Variants in EXOC4 observed in about 807,000 individuals in gnomAD.
EXOC4 encodes SEC8-like 1.
Under a neutral mutation model 107.2 loss-of-function variants are expected in EXOC4, and 71 were observed. The ratio of observed to expected loss-of-function variants is 0.66; its 90% CI spans 0.55 to 0.81. The LOEUF (loss-of-function observed/expected upper bound fraction) is 0.81, where lower values mean the gene tolerates loss of function less well. Among genes scored for constraint, EXOC4 ranks in the 30% least tolerant of loss-of-function variants. The pLI, the probability that EXOC4 is intolerant of heterozygous loss-of-function variation, is 0.00. For synonymous variants in EXOC4, 456 were observed against 441.2 expected (o/e 1.03, Z -0.42); for missense variants, 1,108 against 1,189.6 (o/e 0.93, Z 1.01).
intron 9 of EXOC4, chr7:133,484,102 C>A: frequency 6.2e-7 from 1 of 1,613,100 alleles, no homozygotes. Flanking sequence ...TCAAATTTTA[C>A]AAAAGTTAAG....
At chr7:133,943,191 T>C (rs926374015) in intron 14 of EXOC4, among the ~76,000 whole-genome samples, 3 of 152,162 alleles carry the variant, frequency 2.0e-5, no homozygotes, top group Non-Finnish European at 2.9e-5. Context: ...ACTGAGGTCA[T>C]TGATAAAGGT....
At chr7:133,559,678 T>C (rs1800770567) in intron 9 of EXOC4, among the ~76,000 whole-genome samples, 4 of 152,350 alleles carry the variant, frequency 2.6e-5, no homozygotes, top group South Asian at 4.1e-4. Context: ...AACAACTATT[T>C]ACAGGAACTC....
chr7:133,775,270 A>G, intron 10 of EXOC4, among the ~76,000 whole-genome samples: 1 of 152,216 alleles, frequency 6.6e-6, no homozygotes, highest in East Asian at 1.9e-4. Flanking sequence ...ATCAACATGC[A>G]TGAAATGCAC....
intron 14 of EXOC4, among the ~76,000 whole-genome samples, chr7:133,962,421 A>G (rs2116841460): frequency 6.6e-6 from 1 of 152,280 alleles, no homozygotes; most frequent in South Asian, 2.1e-4. Flanking sequence ...TGGGCTCATT[A>G]ACATACCCTT....
intron 7 of EXOC4, among the ~76,000 whole-genome samples, chr7:133,434,612 G>C (rs970532033): frequency 6.6e-5 from 10 of 152,128 alleles, no homozygotes; most frequent in Non-Finnish European, 1.3e-4. Context: ...GGAACTGTTG[G>C]CAACATTTAT....
intron 9 of EXOC4, among the ~76,000 whole-genome samples, chr7:133,497,778 C>T (rs548154454): frequency 2.6e-5 from 4 of 152,128 alleles, no homozygotes; most frequent in East Asian, 1.9e-4. Flanking sequence ...TGGTCTCCCG[C>T]GTGACAGGCA....
rs201023065 is a variant in EXOC4 at position 133,643,382 on chromosome 7, AC to A, written c.1514+13244del. On this transcript the variant is annotated intron_variant, in intron 10 of 17. Coordinates refer to ENST00000253861, the MANE Select transcript of EXOC4 (RefSeq NM_021807.4). Reference sequence around the variant, plus strand: ...ACTAGCAGCTGATTAGAATGTGCCCACCCAAATTAAGGGTGGGTCTGCCTTT... The same window carrying A: ...ACTAGCAGCTGATTAGAATGTGCCCACCAAATTAAGGGTGGGTCTGCCTTT... 2.5e-3 allele frequency among the ~76,000 whole-genome samples: 376 copies of A among 152,208 alleles called. 5 individuals carry two copies. The highest frequency in any genetic ancestry group is 8.5e-3 in the African/African-American group (353 of 41,530).
intron 9 of EXOC4, among the ~76,000 whole-genome samples, chr7:133,605,936 T>C (rs1362298797): frequency 6.6e-6 from 1 of 151,988 alleles, no homozygotes; most frequent in Non-Finnish European, 1.5e-5. Context: ...AAGGACTAGC[T>C]AGTGTGTCAG....
intron 10 of EXOC4, among the ~76,000 whole-genome samples, chr7:133,682,744 C>G (rs1360618088): frequency 6.6e-6 from 1 of 152,152 alleles, no homozygotes; most frequent in Non-Finnish European, 1.5e-5. Flanking sequence ...AGTCATCTAC[C>G]ACATGTAAAG....
chr7:133,583,412 A>G (rs1801324503), intron 9 of EXOC4, among the ~76,000 whole-genome samples: 1 of 152,196 alleles, frequency 6.6e-6, no homozygotes, highest in East Asian at 1.9e-4. Context: ...TAAAGAAGTA[A>G]TGGTGGCACC....
intron 10 of EXOC4, among the ~76,000 whole-genome samples, chr7:133,776,228 GTC>G (rs10582253): frequency 0.86 from 130,860 of 151,812 alleles, 56,552 homozygotes; most frequent in East Asian, 0.99. Context: ...AATTCCACCC[GTC>G]GGTTCTATGA....
chr7:133,277,652 G>C (rs994952405), intron 2 of EXOC4, among the ~76,000 whole-genome samples: 2 of 152,142 alleles, frequency 1.3e-5, no homozygotes, highest in Non-Finnish European at 2.9e-5. Context: ...TAATTGTCAC[G>C]AAAGTAAATG....
intron 14 of EXOC4, among the ~76,000 whole-genome samples, chr7:133,945,386 T>G (rs1464248721): frequency 6.6e-6 from 1 of 152,226 alleles, no homozygotes; most frequent in Non-Finnish European, 1.5e-5. Flanking sequence ...TTGCCAGTTC[T>G]TCTATCCTCT....
intron 14 of EXOC4, among the ~76,000 whole-genome samples, chr7:133,964,765 T>C (rs780582130): frequency 1.3e-5 from 2 of 152,228 alleles, no homozygotes; most frequent in South Asian, 2.1e-4. Context: ...GCCTTTGCTA[T>C]TGTGAACAGT....
chr7:133,411,006 TC>T (rs1466130633), intron 7 of EXOC4, among the ~76,000 whole-genome samples: 1 of 152,158 alleles, frequency 6.6e-6, no homozygotes, highest in Non-Finnish European at 1.5e-5. Context: ...AGTCAACCTC[TC>T]TGATCTTATT....
chr7:133,429,323 A>G lies in EXOC4; in HGVS notation c.1183-46005A>G, dbSNP rs933253553. Among the ~76,000 whole-genome samples the G allele has an allele frequency of 3.9e-5, 6 of 152,176 alleles. 1 individual carries two copies. Among genetic ancestry groups the G allele is most frequent in the African/African-American group, 1.4e-4 (6 of 41,430 alleles). On this transcript the variant is annotated intron_variant, in intron 7 of 17. Coordinates refer to ENST00000253861, the MANE Select transcript of EXOC4 (RefSeq NM_021807.4). ...CATTATTTTAAACATTTCACTAGCAAATCATCTGCTTTCTGTTTCACTATG... is the reference window on the plus strand; with the variant it reads ...CATTATTTTAAACATTTCACTAGCAGATCATCTGCTTTCTGTTTCACTATG...
the EXOC4 span, among the ~76,000 whole-genome samples, chr7:134,073,415 G>A: frequency 6.6e-6 from 1 of 151,534 alleles, no homozygotes; most frequent in East Asian, 2.0e-4. Context: ...GCTTCCTTAA[G>A]CCTGCTTCCA....
At chr7:133,594,580 C>T (rs140076578) in intron 9 of EXOC4, among the ~76,000 whole-genome samples, 5 of 144,712 alleles carry the variant, frequency 3.5e-5, no homozygotes, top group African/African-American at 1.0e-4. Flanking sequence ...CTGCAATCTC[C>T]GCCTCCTGGT....
At chr7:134,079,920 T>TA in the EXOC4 span, among the ~76,000 whole-genome samples, 1 of 152,198 alleles carries the variant, frequency 6.6e-6, no homozygotes, top group Admixed American at 6.5e-5. Flanking sequence ...CCCCGGATGC[T>TA]AGTCCAAACA....
Sources: allele counts gnomAD v4.1 joint callset (sites outside exome capture counted in the v4.1 genomes callset), GRCh38; gene constraint gnomAD v4.1.1; transcripts MANE v1.5; gene names NCBI Gene and HGNC (gene_info 2026-07-23, HGNC 2026-07-21).